The following GRM8 variants were observed in gnomAD, a reference collection of about 807,000 sequenced individuals.
The protein encoded by GRM8 is metabotropic glutamate receptor 8.
Under a neutral mutation model 87.2 loss-of-function variants are expected in GRM8, and 47 were observed. That is an observed-to-expected ratio of 0.54 (90% CI 0.43 to 0.69). The LOEUF (loss-of-function observed/expected upper bound fraction) is 0.69, where lower values mean the gene tolerates loss of function less well. GRM8 is among the 30% of genes least tolerant of loss of function. The pLI is 0.00. For missense variants in GRM8, 1,019 were observed against 1,139.2 expected (o/e 0.89, Z 1.52); for synonymous variants, 396 against 404.5 (o/e 0.98, Z 0.25).
At chr7:126,628,549 A>G (rs910321210) in intron 7 of GRM8, among the ~76,000 whole-genome samples, 2 of 152,222 alleles carry the variant, frequency 1.3e-5, no homozygotes, top group Non-Finnish European at 2.9e-5. Context: ...ACAAATATAG[A>G]TAAATCTCAG....
chr7:126,453,025 TTC>T (rs928279749), intron 9 of GRM8, among the ~76,000 whole-genome samples: 13 of 150,410 alleles, frequency 8.6e-5, no homozygotes, highest in Non-Finnish European at 1.6e-4. Flanking sequence ...TTAACACTAC[TTC>T]TCTCTCAAAA....
intron 6 of GRM8, among the ~76,000 whole-genome samples, chr7:126,855,707 C>G (rs1368973943): frequency 2.0e-5 from 3 of 152,022 alleles, no homozygotes; most frequent in Non-Finnish European, 4.4e-5. Flanking sequence ...AACTCCTGAC[C>G]TGAAGTGATA....
intron 7 of GRM8, among the ~76,000 whole-genome samples, chr7:126,686,032 T>C (rs1370312292): frequency 6.6e-6 from 1 of 151,388 alleles, no homozygotes; most frequent in Non-Finnish European, 1.5e-5. Context: ...AGACAGATGA[T>C]GGGGAGATGA....
chr7:127,173,119 G>A (rs368214013), intron 2 of GRM8, among the ~76,000 whole-genome samples: 12 of 152,152 alleles, frequency 7.9e-5, no homozygotes, highest in Admixed American at 1.3e-4. Context: ...ATTTCATGCC[G>A]TCTGGAAGGT....
At chr7:127,213,455 A>T (rs997528327) in intron 2 of GRM8, among the ~76,000 whole-genome samples, 1 of 152,200 alleles carries the variant, frequency 6.6e-6, no homozygotes, top group Non-Finnish European at 1.5e-5. Context: ...AAATAAAAAC[A>T]TACATATTAT....
Position 126,533,666 on chromosome 7 carries a change from GA to G in GRM8, c.1715del (p.Ile572ThrfsTer30). 1 of 1,614,008 alleles carries G rather than the reference GA, an allele frequency of 6.2e-7. No homozygotes were observed. Among genetic ancestry groups the G allele is most frequent in the Non-Finnish European group, 8.5e-7 (1 of 1,179,948 alleles). ...AATGCCACTCCAATTTGATGATGGG[GA>G]TAAGCTGGCAGCCTGTGCGGTTCAT... The part of the protein sequence containing the change: ...PNMNRTGCQL[I>X]PIIKLEWHSP... On this transcript the variant is annotated frameshift_variant, in exon 9 of 11. Coordinates refer to ENST00000339582, the MANE Select transcript of GRM8 (RefSeq NM_000845.3). LOFTEE classifies it high-confidence loss of function.
At chr7:126,586,232 A>G (rs967913939) in intron 8 of GRM8, among the ~76,000 whole-genome samples, 1 of 152,220 alleles carries the variant, frequency 6.6e-6, no homozygotes, top group African/African-American at 2.4e-5. Context: ...GGAAAAATCA[A>G]TATCATGAAA....
chr7:127,159,880 G>A (rs571851150), intron 2 of GRM8, among the ~76,000 whole-genome samples: 7 of 152,018 alleles, frequency 4.6e-5, no homozygotes, highest in Admixed American at 6.5e-5. Context: ...GACATAAATT[G>A]CAATAAAACA....
intron 3 of GRM8, among the ~76,000 whole-genome samples, chr7:127,057,437 A>T (rs1317456263): frequency 6.6e-6 from 1 of 151,994 alleles, no homozygotes; most frequent in Non-Finnish European, 1.5e-5. Context: ...TACATCATAT[A>T]GTTTGTCCAT....
chr7:126,553,113 C>T (rs953063828), intron 8 of GRM8, among the ~76,000 whole-genome samples: 3 of 152,220 alleles, frequency 2.0e-5, no homozygotes, highest in East Asian at 1.9e-4. Flanking sequence ...ACTTATTCTG[C>T]CTAACACCAT....
At position 126,533,246 on chromosome 7, in the gene GRM8, G is replaced by C. The variant is rs1405016817; in HGVS notation, c.2136C>G (p.Val712=). ...TGTGGGGGGGATCCACAACAAACCA[G>C]ACAAACACTCCAAGGAGCTGGACGG... ...LISVQLLGVF[V]WFVVDPPHII... The change falls in exon 9 of 11, where the codon GTC becomes GTG. Residue 712 remains valine, a synonymous_variant. Transcript: ENST00000339582. 1.9e-6 allele frequency: 3 copies of C among 1,613,494 alleles called. No homozygotes were observed. The highest frequency in any genetic ancestry group is 2.5e-6 in the Non-Finnish European group (3 of 1,179,894).
At chr7:126,960,333 G>C (rs1809176965) in intron 3 of GRM8, among the ~76,000 whole-genome samples, 1 of 152,048 alleles carries the variant, frequency 6.6e-6, no homozygotes, top group South Asian at 2.1e-4. Flanking sequence ...CGAAAATCCA[G>C]GGGAAAAAAA....
At chr7:127,153,057 T>A (rs575240247) in intron 2 of GRM8, among the ~76,000 whole-genome samples, 1 of 152,226 alleles carries the variant, frequency 6.6e-6, no homozygotes, top group Non-Finnish European at 1.5e-5. Context: ...CACAAGACCA[T>A]AACCCAATTA....
chr7:126,461,259 C>T (rs1162531385), intron 9 of GRM8, among the ~76,000 whole-genome samples: 1 of 151,512 alleles, frequency 6.6e-6, no homozygotes, highest in African/African-American at 2.4e-5. Context: ...CACAATATTC[C>T]ACTGAACCAA....
intron 2 of GRM8, among the ~76,000 whole-genome samples, chr7:127,198,829 C>G (rs1458398139): frequency 5.0e-5 from 7 of 140,780 alleles, no homozygotes; most frequent in African/African-American, 1.7e-4. Flanking sequence ...CAAGCACCAC[C>G]GTGCCTAATT....
rs552044909 is a variant in GRM8 at position 126,725,532 on chromosome 7, T to C, written c.1357+44333A>G. 5.9e-5 allele frequency among the ~76,000 whole-genome samples: 9 copies of C among 152,266 alleles called. No homozygotes were observed. The East Asian group carries it at 1.4e-3, about 23-fold the overall frequency. On this transcript the variant is annotated intron_variant, in intron 7 of 10. Coordinates refer to ENST00000339582, the MANE Select transcript of GRM8 (RefSeq NM_000845.3). ...TAACAGAATGTCTTCTGGCTTCCAA[T>C]AGAAACAAGGAATGACCTAGAAGCT... is the stretch of plus-strand genomic sequence containing the variant.
intron 9 of GRM8, among the ~76,000 whole-genome samples, chr7:126,528,211 AAAC>A: frequency 6.6e-6 from 1 of 151,956 alleles, no homozygotes; most frequent in African/African-American, 2.4e-5. Flanking sequence ...CCATCTCAAA[AAAC>A]AACGACAACA....
intron 9 of GRM8, among the ~76,000 whole-genome samples, chr7:126,467,792 A>G (rs1804678937): frequency 6.6e-6 from 1 of 152,058 alleles, no homozygotes; most frequent in Non-Finnish European, 1.5e-5. Flanking sequence ...TTAAAATTCC[A>G]TTGCATACAA....
chr7:126,985,032 A>AACAC (rs1563381854), intron 3 of GRM8, among the ~76,000 whole-genome samples: 4 of 151,614 alleles, frequency 2.6e-5, no homozygotes, highest in Admixed American at 2.6e-4. Flanking sequence ...ACACACACAC[A>AACAC]ACACACACAC....
Sources: gnomAD v4.1 joint callset for allele counts (sites outside exome capture counted in the v4.1 genomes callset) on GRCh38, gnomAD v4.1.1 for gene constraint, MANE v1.5 for transcripts, NCBI Gene and HGNC (gene_info 2026-07-23, HGNC 2026-07-21) for gene names.